CNTNAP2: variants seen among roughly 807,000 people sequenced by gnomAD.
CNTNAP2 encodes contactin-associated protein-like 2.
A neutral mutation model predicts 155.2 loss-of-function variants in CNTNAP2; 98 were observed. The observed-to-expected ratio is 0.63, with a 90% CI of 0.54 to 0.75. The LOEUF (loss-of-function observed/expected upper bound fraction) is 0.75. CNTNAP2 is among the 30% of genes least tolerant of loss of function. The pLI is 0.00. For missense variants in CNTNAP2, 1,727 were observed against 1,688.1 expected, an observed-to-expected ratio of 1.02 and a Z score of -0.40; for synonymous variants, 651 against 631.2, an observed-to-expected ratio of 1.03 and a Z score of -0.47.
chr7:147,358,945 T>G (rs1312492033), intron 9 of CNTNAP2, among the ~76,000 whole-genome samples: 1 of 152,146 alleles, frequency 6.6e-6, no homozygotes, highest in African/African-American at 2.4e-5. Context: ...CATACGGTTT[T>G]GGGCACCATA....
At chr7:146,706,991 T>A (rs1215227278) in intron 1 of CNTNAP2, among the ~76,000 whole-genome samples, 3 of 151,760 alleles carry the variant, frequency 2.0e-5, no homozygotes, top group South Asian at 2.1e-4. Context: ...AATTCTACAT[T>A]AGTGCTTGGC....
At chr7:146,462,832 A>T (rs1427188158) in intron 1 of CNTNAP2, among the ~76,000 whole-genome samples, 2 of 152,184 alleles carry the variant, frequency 1.3e-5, no homozygotes, top group African/African-American at 4.8e-5. Context: ...CCCTTGCAAC[A>T]GTTTGGGCGT....
chr7:147,063,340 A>G (rs1799718686), intron 4 of CNTNAP2, among the ~76,000 whole-genome samples: 1 of 150,146 alleles, frequency 6.7e-6, no homozygotes, highest in Non-Finnish European at 1.5e-5. Flanking sequence ...TATCTATCCT[A>G]TATATGAAAT....
chr7:147,755,231 C>G (rs903753371), intron 13 of CNTNAP2, among the ~76,000 whole-genome samples: 3 of 152,146 alleles, frequency 2.0e-5, no homozygotes, highest in Non-Finnish European at 2.9e-5. Context: ...ACTGATCTTC[C>G]TGGGCATCAC....
chr7:148,225,928 GA>G (rs1457640733), intron 19 of CNTNAP2, among the ~76,000 whole-genome samples: 2 of 152,296 alleles, frequency 1.3e-5, no homozygotes, highest in African/African-American at 2.4e-5. Flanking sequence ...TTTGGGGAGA[GA>G]AGATGGATGT....
chr7:146,935,134 G>A (rs1796884358), intron 3 of CNTNAP2, among the ~76,000 whole-genome samples: 1 of 152,180 alleles, frequency 6.6e-6, no homozygotes, highest in Admixed American at 6.5e-5. Flanking sequence ...AACCAGGGAA[G>A]TTTCTCCTCA....
intron 11 of CNTNAP2, among the ~76,000 whole-genome samples, chr7:147,510,767 G>A (rs1300224547): frequency 6.8e-6 from 1 of 146,352 alleles, no homozygotes; most frequent in Non-Finnish European, 1.5e-5. Context: ...GACAAATATT[G>A]CTTGGAAATT....
chr7:146,188,934 A>G (rs1426884655), intron 1 of CNTNAP2, among the ~76,000 whole-genome samples: 1 of 152,174 alleles, frequency 6.6e-6, no homozygotes, highest in Non-Finnish European at 1.5e-5. Context: ...AGGTAAAATT[A>G]AATCAGAATC....
chr7:147,346,496 T>C (rs1795866070), intron 9 of CNTNAP2, among the ~76,000 whole-genome samples: 1 of 152,202 alleles, frequency 6.6e-6, no homozygotes, highest in African/African-American at 2.4e-5. Context: ...TTCATCCCTA[T>C]TGTCAATCCT....
chr7:147,974,676 A>T (rs772245217), intron 14 of CNTNAP2, among the ~76,000 whole-genome samples: 2 of 152,176 alleles, frequency 1.3e-5, no homozygotes, highest in African/African-American at 2.4e-5. Flanking sequence ...CCAAGTGCTG[A>T]CAATGATCTT....
At chr7:148,321,352 T>A (rs1797787686) in intron 21 of CNTNAP2, among the ~76,000 whole-genome samples, 1 of 152,168 alleles carries the variant, frequency 6.6e-6, no homozygotes, top group African/African-American at 2.4e-5. Flanking sequence ...TTGGCTCTGA[T>A]TCAGCCTCAG....
chr7:147,376,656 T>C (rs4726849), intron 9 of CNTNAP2, among the ~76,000 whole-genome samples: 29,597 of 151,778 alleles, frequency 0.2, 3,423 homozygotes, highest in East Asian at 0.35. Context: ...CTCAATAATT[T>C]CACGTGTATT....
intron 3 of CNTNAP2, among the ~76,000 whole-genome samples, chr7:146,905,239 G>A (rs1012629092): frequency 1.3e-5 from 2 of 151,980 alleles, no homozygotes; most frequent in African/African-American, 4.8e-5. Flanking sequence ...GATCTTGGAT[G>A]CCTCCTTAGC....
intron 5 of CNTNAP2, among the ~76,000 whole-genome samples, chr7:147,109,769 GACTA>G (rs1189701403): frequency 1.3e-5 from 2 of 152,090 alleles, no homozygotes; most frequent in Non-Finnish European, 2.9e-5. Flanking sequence ...TAAATATTTT[GACTA>G]ACTAGAGAGG....
chr7:146,823,539 A>T (rs1362856915), intron 2 of CNTNAP2, among the ~76,000 whole-genome samples: 1 of 144,028 alleles, frequency 6.9e-6, no homozygotes, highest in East Asian at 2.1e-4. Flanking sequence ...TTACATGGAA[A>T]TATACTCATT....
chr7:147,180,910 T>C (rs2116499199), intron 8 of CNTNAP2, among the ~76,000 whole-genome samples: 1 of 152,304 alleles, frequency 6.6e-6, no homozygotes, highest in Admixed American at 6.5e-5. Flanking sequence ...TAGCAATGGA[T>C]CAGCAAAATG....
chr7:148,396,522 G>T (rs963522904), intron 22 of CNTNAP2, among the ~76,000 whole-genome samples: 1 of 152,176 alleles, frequency 6.6e-6, no homozygotes, highest in Non-Finnish European at 1.5e-5. Flanking sequence ...ATCTCTGTCA[G>T]TCACCACCTG....
intron 16 of CNTNAP2, among the ~76,000 whole-genome samples, chr7:148,126,846 C>T (rs940596901): frequency 2.6e-5 from 4 of 152,088 alleles, no homozygotes; most frequent in African/African-American, 9.7e-5. Flanking sequence ...GCCAACTGTT[C>T]GCCTGGCCCC....
chr7:146,136,232 C>T (rs10248963), intron 1 of CNTNAP2, among the ~76,000 whole-genome samples: 49,005 of 152,008 alleles, frequency 0.32, 9,589 homozygotes, highest in African/African-American at 0.55. Flanking sequence ...TTTTACATTG[C>T]ATACTGCCAG....
Sources: allele counts gnomAD v4.1 joint callset (sites outside exome capture counted in the v4.1 genomes callset), GRCh38; gene constraint gnomAD v4.1.1; transcripts MANE v1.5; gene names NCBI Gene and HGNC (gene_info 2026-07-23, HGNC 2026-07-21).